Variants in ATAD2 observed in about 807,000 individuals in gnomAD.
ATAD2 encodes ATPase family AAA domain containing 2.
Under a neutral mutation model 168.9 loss-of-function variants are expected in ATAD2, and 62 were observed. The observed-to-expected ratio is 0.37, with a 90% CI of 0.30 to 0.45. The LOEUF is 0.45. Among genes scored for constraint, ATAD2 ranks in the 20% least tolerant of loss-of-function variants. The pLI, the probability that ATAD2 is intolerant of heterozygous loss-of-function variation, is 1.00. For synonymous variants in ATAD2, 613 were observed against 571.6 expected, an observed-to-expected ratio of 1.07 and a Z score of -1.03; for missense variants, 1,419 against 1,667.8, an observed-to-expected ratio of 0.85 and a Z score of 2.60.
chr8:123,383,997 C>T (rs988623887), intron 1 of ATAD2, among the ~76,000 whole-genome samples: 9 of 151,670 alleles, frequency 5.9e-5, no homozygotes, highest in Admixed American at 2.6e-4. Flanking sequence ...AGGAGAATTG[C>T]TCGAACCTGG....
At chr8:123,359,955 C>T (rs183301602) in intron 9 of ATAD2, among the ~76,000 whole-genome samples, 2 of 152,164 alleles carry the variant, frequency 1.3e-5, no homozygotes, top group African/African-American at 4.8e-5. Context: ...AAGTGATTCA[C>T]GGTGGTGAAA....
At chr8:123,333,409 CAAAAAAA>C (rs35820976) in intron 24 of ATAD2, among the ~76,000 whole-genome samples, 1 of 61,712 alleles carries the variant, frequency 1.6e-5, no homozygotes, top group Non-Finnish European at 3.1e-5. Context: ...GACTCCGTCT[CAAAAAAA>C]AAAAAAAAAA....
chr8:123,392,526 G>A (rs1386607063), intron 1 of ATAD2, among the ~76,000 whole-genome samples: 5 of 151,762 alleles, frequency 3.3e-5, no homozygotes, highest in African/African-American at 1.2e-4. Flanking sequence ...TACCTCATAA[G>A]GTTGTAAGGA....
chr8:123,325,015 GA>G (rs1342464118), intron 26 of ATAD2, among the ~76,000 whole-genome samples: 3 of 151,218 alleles, frequency 2.0e-5, no homozygotes, highest in Non-Finnish European at 4.4e-5. Context: ...TTCGAGACCA[GA>G]CTGGGCAACA....
intron 13 of ATAD2, among the ~76,000 whole-genome samples, chr8:123,354,864 A>AAAAATATAT (rs1554644338): frequency 2.0e-4 from 13 of 64,710 alleles, no homozygotes; most frequent in African/African-American, 1.1e-3. Flanking sequence ...AAAAAAAAAA[A>AAAAATATAT]ATATATATAT....
intron 1 of ATAD2, among the ~76,000 whole-genome samples, chr8:123,406,709 T>C (rs561196613): frequency 1.3e-5 from 2 of 151,128 alleles, no homozygotes; most frequent in Admixed American, 6.6e-5. Context: ...CTTGGCTGCT[T>C]GGGAGACTGA....
At chr8:123,323,409 A>G (rs189160438) in intron 26 of ATAD2, among the ~76,000 whole-genome samples, 1 of 152,248 alleles carries the variant, frequency 6.6e-6, no homozygotes, top group East Asian at 1.9e-4. Context: ...TTATGATAGT[A>G]TAAGTACATT....
chr8:123,350,426 A>G (rs138468479), intron 13 of ATAD2, among the ~76,000 whole-genome samples: 1 of 152,336 alleles, frequency 6.6e-6, no homozygotes, highest in African/African-American at 2.4e-5. Flanking sequence ...CTTTAATAAT[A>G]TCTAATACCC....
upstream of ATAD2, among the ~76,000 whole-genome samples, chr8:123,400,221 C>T (rs569300516): frequency 3.5e-4 from 53 of 152,128 alleles, no homozygotes; most frequent in African/African-American, 1.2e-3. This position sits in a 1 kb window ranked among gnomAD's most constrained non-coding sequence, Gnocchi z 4.5. Flanking sequence ...TTAGATGACA[C>T]GTAAAATATG....
At chr8:123,340,671 GA>G (rs1296039041) in intron 19 of ATAD2, among the ~76,000 whole-genome samples, 9 of 152,312 alleles carry the variant, frequency 5.9e-5, no homozygotes, top group Non-Finnish European at 1.3e-4. Context: ...CAACATGGAT[GA>G]ACTTGAAAAC....
At chr8:123,357,118 AG>A (rs997076652) in intron 12 of ATAD2, among the ~76,000 whole-genome samples, 2 of 152,186 alleles carry the variant, frequency 1.3e-5, no homozygotes, top group African/African-American at 4.8e-5. Context: ...GAACCTCGGG[AG>A]AGTTCCAAAA....
At chr8:123,361,676 A>G in intron 8 of ATAD2, 30 bp from the exon 9 acceptor site, 1 of 1,553,472 alleles carries the variant, frequency 6.4e-7, no homozygotes, top group Non-Finnish European at 8.9e-7. Context: ...TGAAATCATG[A>G]TAAGGAAGGG....
chr8:123,358,893 G>A (rs1490220302), intron 11 of ATAD2, among the ~76,000 whole-genome samples: 1 of 151,184 alleles, frequency 6.6e-6, no homozygotes, highest in Non-Finnish European at 1.5e-5. Flanking sequence ...TAGTAGAGAC[G>A]GGGTTTCACC....
At chr8:123,383,581 G>A (rs1005695182) in intron 1 of ATAD2, among the ~76,000 whole-genome samples, 1 of 151,892 alleles carries the variant, frequency 6.6e-6, no homozygotes, top group African/African-American at 2.4e-5. Flanking sequence ...AGACCAGCCT[G>A]ACCAACATGG....
chr8:123,336,478 T>G lies in ATAD2; in HGVS notation c.3106A>C (p.Ser1036Arg). The G allele has an allele frequency of 1.3e-6, 2 of 1,553,678 alleles. No individual in the cohort carries two copies. The highest frequency in any genetic ancestry group is 1.7e-6 in the Non-Finnish European group (2 of 1,158,274). The part of the protein sequence containing the change: ...KQPMDLSSVI[S>R]KIDLHKYLTV... ...AGATACTTGTGTAGATCAATTTTAC[T>G]GATTACAGATGAAAGGTCCATTGGT... The change falls in exon 22 of 28, where the codon AGT (serine) becomes CGT (arginine). Residue 1036 changes from serine (S) to arginine (R), a missense_variant. Physicochemically the swap from Ser to Arg is moderately radical, Grantham distance 110. This residue lies in a region of ATAD2 where 545 missense variants were observed against 724.9 expected (regional missense o/e 0.75). Coordinates refer to ENST00000287394, the MANE Select transcript of ATAD2 (RefSeq NM_014109.4).
rs1341259090 is a variant in ATAD2, at chr8:123,402,860, A to C, written c.-2281-1685T>G. ...ATAATAATAAAAATCAACACACTAC[A>C]CACAGCTTCAGGTGCCTCCTCTAAA... is the stretch of plus-strand genomic sequence containing the variant. On this transcript the variant is annotated intron_variant, in intron 1 of 28. Coordinates refer to the ATAD2 transcript ENST00000521903. This position sits in a 1 kb window ranked among gnomAD's most constrained non-coding sequence, Gnocchi z 4.8. Among the ~76,000 whole-genome samples, 1 of 151,944 alleles carries C rather than the reference A, an allele frequency of 6.6e-6. No individual in the cohort carries two copies.
intron 17 of ATAD2, 87 bp from the exon 18 acceptor site, chr8:123,346,359 T>A: frequency 7.7e-7 from 1 of 1,296,822 alleles, no homozygotes; most frequent in Non-Finnish European, 1.0e-6. Context: ...CTTTCATAAG[T>A]AAAAAGTCTT....
rs1454114224 is a variant in ATAD2 at position 123,356,483 on chromosome 8, A to G, written c.1558-6T>C. On this transcript the variant is annotated splice_region_variant and splice_polypyrimidine_tract_variant and intron_variant, in intron 12 of 27. Transcript: ENST00000287394. ...GATGGGCGCATCTGATAGGCCTAGAAAGTAGGTGGAGTGGTCATTTGTTAG... is the reference window on the plus strand; with the variant it reads ...GATGGGCGCATCTGATAGGCCTAGAGAGTAGGTGGAGTGGTCATTTGTTAG... 6.2e-7 allele frequency: 1 copy of G among 1,606,924 alleles called. No homozygotes were observed. Among genetic ancestry groups the G allele is most frequent in the Non-Finnish European group, 8.5e-7 (1 of 1,175,300 alleles).
intron 1 of ATAD2, among the ~76,000 whole-genome samples, chr8:123,389,358 G>A (rs571004205): frequency 2.2e-4 from 32 of 145,786 alleles, no homozygotes; most frequent in African/African-American, 7.6e-4. Context: ...CCCAATGGTC[G>A]GCCGGGCGTG....
Sources: allele counts gnomAD v4.1 joint callset (sites outside exome capture counted in the v4.1 genomes callset), GRCh38; gene constraint gnomAD v4.1.1; regional missense constraint gnomAD v4.1.1; non-coding constraint Gnocchi (gnomAD v3.1); transcripts MANE v1.5; gene names NCBI Gene and HGNC (gene_info 2026-07-23, HGNC 2026-07-21).